SEPTIN10: variants seen among roughly 807,000 people sequenced by gnomAD.
SEPTIN10 encodes the protein septin-10.
In SEPTIN10, 66 loss-of-function variants were observed where a neutral mutation model predicts 54.8. That is an observed-to-expected ratio of 1.21 (90% CI 0.99 to 1.48). The LOEUF (loss-of-function observed/expected upper bound fraction) is 1.48, where lower values mean the gene tolerates loss of function less well. Among genes scored for constraint, SEPTIN10 ranks in the 40% most tolerant of loss-of-function variants. The pLI, the probability that SEPTIN10 is intolerant of heterozygous loss-of-function variation, is 0.00. For synonymous variants in SEPTIN10, 161 were observed against 181.0 expected (o/e 0.89, Z 0.89); for missense variants, 620 against 545.6 (o/e 1.14, Z -1.36).
intron 8 of SEPTIN10, among the ~76,000 whole-genome samples, chr2:109,561,988 T>C (rs199670691): frequency 2.2e-5 from 3 of 133,944 alleles, no homozygotes; most frequent in South Asian, 4.9e-4. Context: ...CAGGAATTCC[T>C]GACCCCAAGG....
At position 109,585,217 on chromosome 2, in the gene SEPTIN10, G is replaced by C; in HGVS notation, c.322C>G (p.Gln108Glu). The change falls in exon 4 of 11, where the codon CAG (glutamine) becomes GAG (glutamate). Residue 108 changes from glutamine to glutamate, a missense_variant. Physicochemically the swap from Gln to Glu is conservative, Grantham distance 29. Transcript: ENST00000397712. Reference protein sequence around the residue: ...HFCPNVKLKAQTYELQESNVQ... With the variant: ...HFCPNVKLKAETYELQESNVQ... ...TTACTTTCCTGGAGTTCATATGTCT[G>C]AGCTTTAAGTTTAACATTTGGGCAA... 6.2e-7 allele frequency: 1 copy of C among 1,612,744 alleles called. No homozygotes were observed.
chr2:109,577,668 T>C (rs928907279), intron 4 of SEPTIN10, among the ~76,000 whole-genome samples: 3 of 151,524 alleles, frequency 2.0e-5, no homozygotes, highest in Admixed American at 6.6e-5. Flanking sequence ...ATCCCAGCAC[T>C]TTGGGAGGCC....
chr2:109,552,285 T>A (rs1683156396), intron 9 of SEPTIN10, among the ~76,000 whole-genome samples: 1 of 152,150 alleles, frequency 6.6e-6, no homozygotes, highest in Non-Finnish European at 1.5e-5. Flanking sequence ...CCTAACTACA[T>A]CCTGAGAGAC....
At chr2:109,546,698 CAAGT>C (rs1292519351) in intron 9 of SEPTIN10, among the ~76,000 whole-genome samples, 1 of 152,054 alleles carries the variant, frequency 6.6e-6, no homozygotes, top group Non-Finnish European at 1.5e-5. Flanking sequence ...CACTGGAAAG[CAAGT>C]GTCAATTGTC....
At chr2:109,544,680 T>C in intron 10 of SEPTIN10, 2 of 894,020 alleles carry the variant, frequency 2.2e-6, no homozygotes, top group African/African-American at 1.8e-5. Context: ...AAAAGATCCA[T>C]TAGCTTTAAA....
chr2:109,604,299 C>T (rs1041951725), intron 1 of SEPTIN10, among the ~76,000 whole-genome samples: 3 of 139,168 alleles, frequency 2.2e-5, no homozygotes, highest in Non-Finnish European at 4.6e-5. Flanking sequence ...GTTGAGACTG[C>T]GCCACTGCAC....
At chr2:109,587,637 G>A (rs1228339180) in intron 2 of SEPTIN10, among the ~76,000 whole-genome samples, 1 of 152,304 alleles carries the variant, frequency 6.6e-6, no homozygotes, top group East Asian at 1.9e-4. Context: ...CTTTAGGCCT[G>A]GTGTGGTGGC....
intron 4 of SEPTIN10, among the ~76,000 whole-genome samples, chr2:109,581,914 C>T (rs1489748722): frequency 6.6e-6 from 1 of 152,198 alleles, no homozygotes; most frequent in Non-Finnish European, 1.5e-5. Flanking sequence ...AATTTCATAC[C>T]TAGACAACTC....
chr2:109,575,088 T>C (rs1426782880), intron 4 of SEPTIN10, among the ~76,000 whole-genome samples: 1 of 152,232 alleles, frequency 6.6e-6, no homozygotes, highest in Non-Finnish European at 1.5e-5. Flanking sequence ...TTCAGTATCA[T>C]TTGTACTTCC....
At chr2:109,569,101 A>C (rs1482950125) in intron 5 of SEPTIN10, among the ~76,000 whole-genome samples, 1 of 152,186 alleles carries the variant, frequency 6.6e-6, no homozygotes, top group Non-Finnish European at 1.5e-5. Flanking sequence ...ATATGTATCA[A>C]GACAGTAAAA....
rs530761990 is a variant in SEPTIN10 at position 109,590,514 on chromosome 2, C to T, written c.99+2537G>A. ...TGATGTGGTCTCAGCTCACTGCAAC[C>T]TCTGCCTCCTGGGTTCAAATGATTC... On this transcript the variant is annotated intron_variant, in intron 2 of 10. Transcript: ENST00000397712. 3.9e-5 allele frequency among the ~76,000 whole-genome samples: 6 copies of T among 152,162 alleles called. 1 individual carries two copies. Among genetic ancestry groups the T allele is most frequent in the African/African-American group, 1.4e-4 (6 of 41,500 alleles).
At chr2:109,564,934 T>C (rs775624072) in intron 7 of SEPTIN10, among the ~76,000 whole-genome samples, 14 of 152,212 alleles carry the variant, frequency 9.2e-5, no homozygotes, top group Non-Finnish European at 1.8e-4. Context: ...AACTTCAAAG[T>C]AGTAAATTCT....
At chr2:109,549,340 C>T in intron 9 of SEPTIN10, among the ~76,000 whole-genome samples, 1 of 152,270 alleles carries the variant, frequency 6.6e-6, no homozygotes, top group Middle Eastern at 3.4e-3. Flanking sequence ...CTTGAAAGGT[C>T]ACACAGCACT....
At chr2:109,575,210 A>G (rs970851976) in intron 4 of SEPTIN10, among the ~76,000 whole-genome samples, 2 of 152,188 alleles carry the variant, frequency 1.3e-5, no homozygotes, top group African/African-American at 4.8e-5. Flanking sequence ...CACTTGCCAG[A>G]CTGCTCGAAG....
intron 4 of SEPTIN10, among the ~76,000 whole-genome samples, chr2:109,577,381 G>C (rs1054563898): frequency 6.6e-6 from 1 of 152,040 alleles, no homozygotes; most frequent in Admixed American, 6.6e-5. Context: ...ATCACCTGAG[G>C]TCAGGAGTTC....
intron 4 of SEPTIN10, among the ~76,000 whole-genome samples, chr2:109,576,713 C>T (rs1689759612): frequency 6.6e-6 from 1 of 152,030 alleles, no homozygotes; most frequent in Non-Finnish European, 1.5e-5. Flanking sequence ...AATGTTTTGT[C>T]TTATGCTATT....
rs759190118 is a variant in SEPTIN10, at chr2:109,585,150, C to T, written c.389G>A (p.Gly130Asp). The change falls in exon 4 of 11, where the codon GGT (glycine) becomes GAT (aspartate). Residue 130 changes from glycine (G) to aspartate (D), a missense_variant. Coordinates refer to ENST00000397712, the MANE Select transcript of SEPTIN10 (RefSeq NM_144710.5). ...CCTCTCTTCTTTATTTATTTGGTCACCAAATCCCACTGTATTCACAATGGT... is the reference window on the plus strand; with the variant it reads ...CCTCTCTTCTTTATTTATTTGGTCATCAAATCCCACTGTATTCACAATGGT... ...KLTIVNTVGF[G>D]DQINKEESYQ... is the part of the protein sequence containing the mutation. 1.9e-6 allele frequency: 3 copies of T among 1,586,664 alleles called. No homozygotes were observed. Among genetic ancestry groups the T allele is most frequent in the South Asian group, 2.3e-5 (2 of 85,302 alleles).
At chr2:109,604,000 A>G (rs1169586743) in intron 1 of SEPTIN10, among the ~76,000 whole-genome samples, 1 of 151,564 alleles carries the variant, frequency 6.6e-6, no homozygotes, top group Non-Finnish European at 1.5e-5. Context: ...TCTCTACTAA[A>G]AATACAAAAA....
chr2:109,545,449 G>A (rs556257012), intron 10 of SEPTIN10: 1 of 1,535,904 alleles, frequency 6.5e-7, no homozygotes, highest in Non-Finnish European at 8.7e-7. Context: ...TTGCACTGTG[G>A]CCCTCTCTAC....
Sources: gnomAD v4.1 joint callset for allele counts (sites outside exome capture counted in the v4.1 genomes callset) on GRCh38, gnomAD v4.1.1 for gene constraint, MANE v1.5 for transcripts, NCBI Gene and HGNC (gene_info 2026-07-23, HGNC 2026-07-21) for gene names.